FBXO34: variants seen among roughly 807,000 people sequenced by gnomAD.
The protein encoded by FBXO34 is F-box protein 34, also known as F-box only protein 34.
FBXO34 carries 12 observed loss-of-function variants against 24.5 expected under a neutral mutation model. The ratio of observed to expected loss-of-function variants is 0.49; its 90% CI spans 0.31 to 0.79. FBXO34 has a LOEUF of 0.79. FBXO34 is among the 30% of genes least tolerant of loss of function. FBXO34 has a pLI of 0.04. For missense variants in FBXO34, 823 were observed against 857.7 expected (o/e 0.96, Z 0.51); for synonymous variants, 320 against 311.9 (o/e 1.03, Z -0.27).
intron 1 of FBXO34, among the ~76,000 whole-genome samples, chr14:55,327,789 G>A (rs1263583160): frequency 6.6e-6 from 1 of 151,658 alleles, no homozygotes; most frequent in Non-Finnish European, 1.5e-5. Context: ...CTTGGGTAGT[G>A]CCAAACCCTA....
chr14:55,352,622 T>A lies in FBXO34; in HGVS notation c.*96T>A. The stretch of plus-strand genomic sequence containing the variant: ...AGCGTAGCCCCCTGAGTCATCACTC[T>A]AGAAGAATCTGTACATCATCAGGAC... On this transcript the variant is annotated 3_prime_UTR_variant, in exon 2 of 2. Coordinates refer to ENST00000313833, the MANE Select transcript of FBXO34 (RefSeq NM_017943.4). 2.0e-6 allele frequency: 2 copies of A among 993,500 alleles called. No homozygotes were observed. The highest frequency in any genetic ancestry group is 1.6e-5 in the African/African-American group (1 of 61,146). The allele number at this position is 993,500 out of a possible 1,614,324, so 61.5% of individuals were successfully genotyped here.
At chr14:55,323,184 CAAAAAAAA>C (rs368380622) in intron 1 of FBXO34, among the ~76,000 whole-genome samples, 7 of 12,168 alleles carry the variant, frequency 5.8e-4, no homozygotes, top group African/African-American at 2.1e-3. Flanking sequence ...GACTCTGTCT[CAAAAAAAA>C]AAAAAAAAAA....
At chr14:55,284,755 A>G (rs1457384484) in intron 1 of FBXO34, among the ~76,000 whole-genome samples, 1 of 148,990 alleles carries the variant, frequency 6.7e-6, no homozygotes, top group Non-Finnish European at 1.5e-5. Flanking sequence ...AGATGGGACT[A>G]CAGGCATGTG....
chr14:55,424,098 TA>T, the FBXO34 span: 1 of 1,171,822 alleles, frequency 8.5e-7, no homozygotes, highest in East Asian at 2.4e-5. Flanking sequence ...TTTAAAAGAA[TA>T]AGCAAAGCAC....
chr14:55,330,595 G>GTAAC (rs1883500505), intron 1 of FBXO34, among the ~76,000 whole-genome samples: 1 of 152,002 alleles, frequency 6.6e-6, no homozygotes, highest in South Asian at 2.1e-4. Context: ...ACCAGCCTGG[G>GTAAC]TAACATAGTG....
At chr14:55,335,027 C>G (rs1418643580) in intron 1 of FBXO34, among the ~76,000 whole-genome samples, 3 of 152,080 alleles carry the variant, frequency 2.0e-5, no homozygotes, top group African/African-American at 7.2e-5. Context: ...ACTGGGTTTC[C>G]CACCCAGCAA....
chr14:55,338,527 C>T (rs1297837167), intron 1 of FBXO34, among the ~76,000 whole-genome samples: 1 of 152,096 alleles, frequency 6.6e-6, no homozygotes, highest in East Asian at 1.9e-4. Flanking sequence ...GGTATTAGAG[C>T]TGTTATTATT....
At chr14:55,326,119 G>A (rs1883335935) in intron 1 of FBXO34, 1 of 152,212 alleles carries the variant, frequency 6.6e-6, no homozygotes, top group Non-Finnish European at 1.5e-5. Context: ...ACAAAGCACA[G>A]CTGAGATAGT....
chr14:55,308,596 A>G (rs915234049), intron 1 of FBXO34, among the ~76,000 whole-genome samples: 3 of 152,226 alleles, frequency 2.0e-5, no homozygotes, highest in African/African-American at 7.2e-5. Flanking sequence ...TCTCTATTGT[A>G]ACTGCCAAGT....
the FBXO34 span, among the ~76,000 whole-genome samples, chr14:55,425,089 T>C: frequency 2.0e-5 from 3 of 152,214 alleles, no homozygotes; most frequent in African/African-American, 7.2e-5. Context: ...CTCCATTCAG[T>C]TCAGCAATGA....
chr14:55,370,686 G>T (rs898654372), downstream of FBXO34, among the ~76,000 whole-genome samples: 1 of 151,752 alleles, frequency 6.6e-6, no homozygotes, highest in Non-Finnish European at 1.5e-5. Context: ...CTGTTGCCCA[G>T]GCTGGAGTGC....
At chr14:55,323,207 A>T (rs1243144669) in intron 1 of FBXO34, among the ~76,000 whole-genome samples, 16 of 49,858 alleles carry the variant, frequency 3.2e-4, no homozygotes, top group African/African-American at 9.7e-4. Context: ...AAAAAAAAAA[A>T]AAAAAAAAAA....
chr14:55,436,980 T>A, the FBXO34 span: 5 of 1,614,096 alleles, frequency 3.1e-6, no homozygotes, highest in African/African-American at 6.7e-5. Flanking sequence ...AAGGTACAAC[T>A]GGGCTGAACA....
chr14:55,278,681 G>A (rs929056531), intron 1 of FBXO34, among the ~76,000 whole-genome samples: 7 of 152,170 alleles, frequency 4.6e-5, no homozygotes, highest in African/African-American at 1.7e-4. Context: ...TTAAAAAATT[G>A]TTGGTAATAC....
chr14:55,429,962 C>T, the FBXO34 span, among the ~76,000 whole-genome samples: 5 of 152,092 alleles, frequency 3.3e-5, no homozygotes, highest in African/African-American at 9.6e-5. Context: ...TTGTTTTGCT[C>T]GGCTTTCTCA....
At chr14:55,356,719 A>G (rs1884528381), downstream of FBXO34, among the ~76,000 whole-genome samples, 1 of 151,578 alleles carries the variant, frequency 6.6e-6, no homozygotes. Context: ...CAGCCTCCCA[A>G]AGTGCTGGGA....
chr14:55,441,230 C>T, the FBXO34 span, among the ~76,000 whole-genome samples: 4 of 152,016 alleles, frequency 2.6e-5, no homozygotes, highest in East Asian at 5.8e-4. Flanking sequence ...CTCACTGCAG[C>T]CTCGACCTCC....
chr14:55,381,842 A>G, the FBXO34 span: 36 of 761,508 alleles, frequency 4.7e-5, no homozygotes, highest in African/African-American at 5.8e-4. Flanking sequence ...ATGGGAGCAC[A>G]GTGCTGTGAA....
At chr14:55,300,053 A>G (rs574534993) in intron 1 of FBXO34, among the ~76,000 whole-genome samples, 2 of 152,292 alleles carry the variant, frequency 1.3e-5, no homozygotes, top group African/African-American at 4.8e-5. Flanking sequence ...ATATCTGCAT[A>G]TGTATATATC....
Sources: gnomAD v4.1 joint callset for allele counts (sites outside exome capture counted in the v4.1 genomes callset) on GRCh38, gnomAD v4.1.1 for gene constraint, MANE v1.5 for transcripts, NCBI Gene and HGNC (gene_info 2026-07-23, HGNC 2026-07-21) for gene names.